Variants in REX1BD observed in about 807,000 individuals in gnomAD.
REX1BD encodes required for excision 1-B domain-containing protein.
REX1BD carries 22 observed loss-of-function variants against 24.4 expected under a neutral mutation model. The ratio of observed to expected loss-of-function variants is 0.90; its 90% CI spans 0.64 to 1.29. The LOEUF is 1.29. Among genes scored for constraint, REX1BD ranks in the 50% most tolerant of loss-of-function variants. REX1BD has a pLI of 0.00. For synonymous variants in REX1BD, 146 were observed against 125.9 expected, an observed-to-expected ratio of 1.16 and a Z score of -1.07; for missense variants, 293 against 285.3, an observed-to-expected ratio of 1.03 and a Z score of -0.19.
intron 3 of REX1BD, 65 bp downstream of exon 3, chr19:18,589,748 C>T (rs1975999390): frequency 6.3e-6 from 9 of 1,431,344 alleles, no homozygotes; most frequent in Non-Finnish European, 7.3e-6. Flanking sequence ...CATGACGCAC[C>T]CCTGGTTGGG....
In REX1BD at chr19:18,589,543, C is replaced by T. The variant is rs374734666; in HGVS notation, c.313C>T (p.His105Tyr). 20 of 1,577,546 alleles carry T rather than the reference C, an allele frequency of 1.3e-5. No homozygotes were observed. In the African/African-American group the frequency reaches 1.6e-4, roughly 13 times the overall value. The change falls in exon 3 of 5, where the codon CAC (histidine) becomes TAC (tyrosine). Residue 105 changes from histidine to tyrosine, a missense_variant. By Grantham distance (83) the His-to-Tyr change is moderately conservative. Transcript: ENST00000358607. ...CTTCGCGCGCTACCGGAGCACAGTG[C>T]ACGGGGTGACCCAGGCCTTCGCCGC... Reference protein sequence around the residue: ...YDFARYRSTVHGVTQAFAAAS... With the variant: ...YDFARYRSTVYGVTQAFAAAS...
intron 4 of REX1BD, 60 bp downstream of exon 4, chr19:18,590,993 C>G: frequency 7.1e-7 from 1 of 1,416,398 alleles, no homozygotes; most frequent in Middle Eastern, 2.2e-4. Flanking sequence ...TTGGCACGGT[C>G]AGGACGCTGC....
At chr19:18,592,037 C>T in intron 4 of REX1BD, 71 bp from the exon 5 acceptor site, 1 of 1,583,454 alleles carries the variant, frequency 6.3e-7, no homozygotes, top group Non-Finnish European at 8.7e-7. Flanking sequence ...CCACAGCCCT[C>T]TTGCAGCTTC....
intron 3 of REX1BD, chr19:18,589,961 C>T (rs1976003802): frequency 2.4e-5 from 11 of 451,794 alleles, no homozygotes; most frequent in Non-Finnish European, 4.2e-5. Flanking sequence ...CCAGATCCCG[C>T]CCCAACAATG....
At position 18,589,632 on chromosome 19, in the gene REX1BD, C is replaced by A. The variant is rs1367893310; in HGVS notation, c.402C>A (p.Leu134=). Residue 134 remains leucine (L), a synonymous_variant, in exon 3 of 5, where the codon CTC becomes CTA. Coordinates refer to ENST00000358607, the MANE Select transcript of REX1BD (RefSeq NM_001100418.2). ...GCGGGCCTCGCAGGCAGCCGCTGCT[C>A]GCCGGCCACGTGCGCAGCCTGCAGG... ...ELGGPRRQPL[L]AGHVRSLQEL... 3 of 1,518,714 alleles carry A rather than the reference C, an allele frequency of 2.0e-6. No individual in the cohort carries two copies. The highest frequency in any genetic ancestry group is 2.8e-5 in the African/African-American group (2 of 72,458). The allele number at this position is 1,518,714 out of a possible 1,614,324, so 94.1% of individuals were successfully genotyped here.
rs572848718 is a variant in REX1BD at position 18,589,605 on chromosome 19, G to A, written c.375G>A (p.Leu125=). The A allele has an allele frequency of 1.3e-4, 200 of 1,537,292 alleles. 1 individual carries two copies. In the East Asian group the frequency reaches 4.8e-3, roughly 37 times the overall value. Residue 125 remains leucine (L), a synonymous_variant, in exon 3 of 5, where the codon CTG becomes CTA. Coordinates refer to ENST00000358607, the MANE Select transcript of REX1BD (RefSeq NM_001100418.2). The part of the protein sequence containing the change: ...SREVLAVEAE[L]GGPRRQPLLA... ...AGGTGCTGGCGGTGGAAGCAGAGCTGGGCGGGCCTCGCAGGCAGCCGCTGC... is the reference window on the plus strand; with the variant it reads ...AGGTGCTGGCGGTGGAAGCAGAGCTAGGCGGGCCTCGCAGGCAGCCGCTGC...
In REX1BD at chr19:18,590,905, G is replaced by C. The variant is rs1976027422; in HGVS notation, c.505G>C (p.Ala169Pro). The C allele has an allele frequency of 1.3e-6, 2 of 1,598,724 alleles. No homozygotes were observed. The highest frequency in any genetic ancestry group is 1.7e-6 in the Non-Finnish European group (2 of 1,173,420). The change falls in exon 4 of 5, where the codon GCT becomes CCT. Residue 169 changes from alanine to proline, a missense_variant. Physicochemically the swap from Ala to Pro is conservative, Grantham distance 27 (BLOSUM62 -1). Coordinates refer to ENST00000358607, the MANE Select transcript of REX1BD (RefSeq NM_001100418.2). ...ETPELAGQED[A>P]VRMQQLKMKV... ...GCCAGAGCTGGCGGGGCAGGAGGAC[G>C]CTGTACGGATGCAGCAGCTGAAAAT...
At position 18,589,693 on chromosome 19, in the gene REX1BD, C is replaced by G. The variant is rs543525254; in HGVS notation, c.453+10C>G. On this transcript the variant is annotated intron_variant, in intron 3 of 4. Coordinates refer to ENST00000358607, the MANE Select transcript of REX1BD (RefSeq NM_001100418.2). ...GACGCGGCTGGGCACGGTGAGGCCA[C>G]CACCCCTTCCCCGCCGTGTCTCTAG... The G allele has an allele frequency of 7.5e-6, 11 of 1,458,098 alleles. No homozygotes were observed. The East Asian group carries it at 2.5e-4, about 33-fold the overall frequency. The allele number at this position is 1,458,098 out of a possible 1,614,324, so 90.3% of individuals were successfully genotyped here. A position where few individuals can be genotyped will look rare whatever the true frequency, so the allele number is the denominator to read the frequency against.
rs2145317126 is a variant in REX1BD at position 18,588,818 on chromosome 19, C to T, written c.17C>T (p.Ala6Val). 6.5e-7 allele frequency: 1 copy of T among 1,532,604 alleles called. No homozygotes were observed. The highest frequency in any genetic ancestry group is 8.7e-7 in the Non-Finnish European group (1 of 1,145,738). The allele number at this position is 1,532,604 out of a possible 1,614,324, so 94.9% of individuals were successfully genotyped here. MITET[A>V]AEPTVPAVPA... ...TGCGCAGTCATGATCACCGAGACCG[C>T]GGCGGAGCCTACGGTCCCTGCAGTG... The change falls in exon 1 of 5, where the codon GCG becomes GTG. Residue 6 changes from alanine (A) to valine (V), a missense_variant. Coordinates refer to ENST00000358607, the MANE Select transcript of REX1BD (RefSeq NM_001100418.2).
chr19:18,589,759 G>GCACC (rs756393666), intron 3 of REX1BD, 76 bp downstream of exon 3: 681 of 1,429,706 alleles, frequency 4.8e-4, no homozygotes, highest in Non-Finnish European at 5.9e-4. Context: ...CCTGGTTGGG[G>GCACC]GGTGGTCCCA....
At chr19:18,589,800 G>T (rs1407563708) in intron 3 of REX1BD, 117 bp downstream of exon 3, 12 of 1,336,532 alleles carry the variant, frequency 9.0e-6, no homozygotes, top group African/African-American at 1.5e-5. Flanking sequence ...ACCCCTTCCT[G>T]TCCCACCCCA....
intron 2 of REX1BD, 39 bp downstream of exon 2, chr19:18,589,116 CG>C: frequency 6.8e-7 from 1 of 1,465,136 alleles, no homozygotes; most frequent in South Asian, 1.4e-5. Context: ...TTCGGTCCCC[CG>C]CCCGCTCCGG....
chr19:18,591,919 T>G (rs1283097788), intron 4 of REX1BD, 189 bp from the exon 5 acceptor site: 3 of 629,132 alleles, frequency 4.8e-6, no homozygotes, highest in Non-Finnish European at 8.3e-6. Flanking sequence ...CTCAGCCCAC[T>G]GTGACCTATG....
chr19:18,591,210 GA>G, intron 4 of REX1BD: 1 of 363,788 alleles, frequency 2.7e-6, no homozygotes. Context: ...CAGACCTTCA[GA>G]TGCCTGTCCT....
chr19:18,590,660 C>G (rs1015074293), intron 3 of REX1BD, 194 bp from the exon 4 acceptor site: 4 of 567,016 alleles, frequency 7.1e-6, no homozygotes, highest in Non-Finnish European at 1.2e-5. Context: ...CTGCCTCTGG[C>G]CTGCCTGCTG....
rs12979427 is a variant in REX1BD at position 18,589,087 on chromosome 19, G to A, written c.182+10G>A. On this transcript the variant is annotated intron_variant, in intron 2 of 4. Transcript: ENST00000358607. ...TCCGCCGACTGGAGGAGTGAGTGGG[G>A]GCGCGGAGGGGCTCAGGGTTCGGTC... The A allele has an allele frequency of 2.4e-3, 3,632 of 1,495,064 alleles. 5 individuals carry two copies. The highest frequency in any genetic ancestry group is 3.1e-3 in the Admixed American group (135 of 44,062). The allele number at this position is 1,495,064 out of a possible 1,614,324, so 92.6% of individuals were successfully genotyped here. A position where few individuals can be genotyped will look rare whatever the true frequency, so the allele number is the denominator to read the frequency against.
intron 4 of REX1BD, chr19:18,591,154 C>T (rs940803110): frequency 2.1e-5 from 10 of 476,914 alleles, no homozygotes; most frequent in African/African-American, 1.8e-4. Context: ...CATGCCAATC[C>T]TGCACACGTG....
chr19:18,589,154 C>T (rs1975980841), intron 2 of REX1BD, 77 bp downstream of exon 2: 1 of 1,466,680 alleles, frequency 6.8e-7, no homozygotes, highest in Non-Finnish European at 9.0e-7. Context: ...GGCGGGCGTG[C>T]CTGGAGGAGG....
intron 2 of REX1BD, 37 bp downstream of exon 2, chr19:18,589,114 C>G: frequency 6.8e-7 from 1 of 1,465,942 alleles, no homozygotes; most frequent in South Asian, 1.4e-5. Context: ...GGTTCGGTCC[C>G]CCGCCCGCTC....
Sources: allele counts gnomAD v4.1 joint callset, GRCh38; gene constraint gnomAD v4.1.1; transcripts MANE v1.5; gene names NCBI Gene and HGNC (gene_info 2026-07-23, HGNC 2026-07-21).